Variants in IFNG-AS1 observed in about 807,000 individuals in gnomAD.
IFNG-AS1 encodes IFNG antisense RNA 1 (non-protein coding).
intron 3 of IFNG-AS1, among the ~76,000 whole-genome samples, chr12:68,012,253 A>G (rs1180333050): frequency 1.3e-5 from 2 of 152,072 alleles, no homozygotes; most frequent in East Asian, 3.9e-4. Context: ...GAAAGCTTTT[A>G]TCTGCCACCG....
chr12:68,008,282 G>A (rs1478315671), intron 3 of IFNG-AS1, among the ~76,000 whole-genome samples: 1 of 152,132 alleles, frequency 6.6e-6, no homozygotes, highest in Admixed American at 6.5e-5. Flanking sequence ...CAGGCATGGT[G>A]GTGGGCGCCT....
intron 3 of IFNG-AS1, among the ~76,000 whole-genome samples, chr12:68,016,543 A>T (rs780367251): frequency 6.6e-6 from 1 of 152,154 alleles, no homozygotes; most frequent in Non-Finnish European, 1.5e-5. Flanking sequence ...TTCATTCCAA[A>T]CATGGAGATT....
At chr12:68,012,750 AT>A (rs1158008178) in intron 3 of IFNG-AS1, among the ~76,000 whole-genome samples, 1 of 152,192 alleles carries the variant, frequency 6.6e-6, no homozygotes, top group Non-Finnish European at 1.5e-5. Flanking sequence ...CAGGCATACC[AT>A]AGTTCCAGCC....
intron 4 of IFNG-AS1, chr12:68,020,907 T>G (rs1880271995): frequency 1.3e-5 from 2 of 152,142 alleles, no homozygotes; most frequent in Non-Finnish European, 2.9e-5. Flanking sequence ...CAAGTCTGAG[T>G]AATAGAAAAG....
chr12:68,020,577 C>T (rs1297648316), intron 4 of IFNG-AS1: 3 of 152,060 alleles, frequency 2.0e-5, no homozygotes, highest in Non-Finnish European at 4.4e-5. Flanking sequence ...GCAAAACTGC[C>T]ACATAAAATT....
chr12:68,018,616 G>C (rs1213341806), intron 3 of IFNG-AS1, among the ~76,000 whole-genome samples: 1 of 152,070 alleles, frequency 6.6e-6, no homozygotes, highest in Non-Finnish European at 1.5e-5. Flanking sequence ...GGAGGAAGGT[G>C]GGGTGGGGAG....
chr12:68,003,424 C>CT (rs530422946), intron 2 of IFNG-AS1, among the ~76,000 whole-genome samples: 21,777 of 136,382 alleles, frequency 0.16, 2,048 homozygotes, highest in East Asian at 0.23. Context: ...CATATTCCCC[C>CT]CTTTTTTTTT....
At chr12:67,989,858 G>C (rs912662085) in intron 1 of IFNG-AS1, among the ~76,000 whole-genome samples, 5 of 152,168 alleles carry the variant, frequency 3.3e-5, no homozygotes, top group Non-Finnish European at 7.3e-5. Context: ...AACCCTTCCT[G>C]AGATCTCAGA....
intron 1 of IFNG-AS1, among the ~76,000 whole-genome samples, chr12:67,993,387 T>A (rs1166209488): frequency 6.6e-6 from 1 of 152,196 alleles, no homozygotes; most frequent in Non-Finnish European, 1.5e-5. Flanking sequence ...AAAATACACA[T>A]CTTAAACCAT....
intron 3 of IFNG-AS1, among the ~76,000 whole-genome samples, chr12:68,017,003 C>T (rs1248501301): frequency 6.6e-6 from 1 of 152,064 alleles, no homozygotes; most frequent in East Asian, 1.9e-4. Context: ...ATAAGTGTAA[C>T]AAGTTTTGAT....
chr12:67,993,458 G>A (rs1305569215), intron 1 of IFNG-AS1, among the ~76,000 whole-genome samples: 1 of 152,148 alleles, frequency 6.6e-6, no homozygotes, highest in Non-Finnish European at 1.5e-5. Flanking sequence ...ATAAAGCTCA[G>A]GCAGTGGAAA....
intron 1 of IFNG-AS1, among the ~76,000 whole-genome samples, chr12:67,995,651 G>A (rs767936390): frequency 1.9e-4 from 29 of 149,662 alleles, no homozygotes; most frequent in Non-Finnish European, 3.9e-4. Context: ...GAACCTGGGA[G>A]GCAGAGGTTG....
intron 3 of IFNG-AS1, among the ~76,000 whole-genome samples, chr12:68,014,042 T>A (rs2120471526): frequency 6.6e-6 from 1 of 152,340 alleles, no homozygotes; most frequent in South Asian, 2.1e-4. Flanking sequence ...CATATGATGT[T>A]TAGTATTCCA....
At chr12:67,993,256 C>G (rs1369049272) in intron 1 of IFNG-AS1, among the ~76,000 whole-genome samples, 2 of 152,186 alleles carry the variant, frequency 1.3e-5, no homozygotes, top group Non-Finnish European at 2.9e-5. Context: ...TTACGCAGTT[C>G]ATGATGTACT....
intron 3 of IFNG-AS1, among the ~76,000 whole-genome samples, chr12:68,017,697 G>T (rs764026701): frequency 1.3e-5 from 2 of 152,132 alleles, no homozygotes; most frequent in Non-Finnish European, 2.9e-5. Flanking sequence ...TCTTCCAAAT[G>T]ACTCTGATGG....
chr12:67,994,487 A>C (rs889272651), intron 1 of IFNG-AS1, among the ~76,000 whole-genome samples: 2 of 152,228 alleles, frequency 1.3e-5, no homozygotes, highest in African/African-American at 4.8e-5. Flanking sequence ...GAGTAAACAA[A>C]TACGGAGATT....
chr12:67,995,828 G>T (rs1340102774), intron 1 of IFNG-AS1: 1 of 152,024 alleles, frequency 6.6e-6, no homozygotes, highest in Non-Finnish European at 1.5e-5. Flanking sequence ...CCCAACAAAT[G>T]CAAAATCATT....
chr12:67,993,126 A>C (rs1879554079), intron 1 of IFNG-AS1, among the ~76,000 whole-genome samples: 1 of 152,244 alleles, frequency 6.6e-6, no homozygotes, highest in South Asian at 2.1e-4. Context: ...ATCTCTGATA[A>C]GCATCAAGGT....
intron 2 of IFNG-AS1, among the ~76,000 whole-genome samples, chr12:68,002,795 T>C (rs1879799425): frequency 6.6e-6 from 1 of 152,196 alleles, no homozygotes; most frequent in Non-Finnish European, 1.5e-5. Context: ...GATATTACTA[T>C]ATCCAAAGGA....
Sources: allele counts gnomAD v4.1 joint callset (sites outside exome capture counted in the v4.1 genomes callset), GRCh38; gene constraint gnomAD v4.1.1; transcripts MANE v1.5; gene names NCBI Gene and HGNC (gene_info 2026-07-23, HGNC 2026-07-21).